The following ZNF638 variants were observed in gnomAD, a reference collection of about 807,000 sequenced individuals.
ZNF638 encodes the protein CTCL tumor antigen se33-1.
A neutral mutation model predicts 195.6 loss-of-function variants in ZNF638; 46 were observed. The observed-to-expected ratio is 0.24, with a 90% confidence interval of 0.19 to 0.30. ZNF638 has a LOEUF of 0.30. Ranked by LOEUF, ZNF638 falls within the 10% of genes least tolerant of loss-of-function variation. ZNF638 has a pLI of 1.00. For synonymous variants in ZNF638, 845 were observed against 772.0 expected, an observed-to-expected ratio of 1.09 and a Z score of -1.57; for missense variants, 2,440 against 2,325.3, an observed-to-expected ratio of 1.05 and a Z score of -1.01.
At chr2:71,394,884 G>A (rs552723591) in intron 10 of ZNF638, among the ~76,000 whole-genome samples, 1 of 152,240 alleles carries the variant, frequency 6.6e-6, no homozygotes, top group South Asian at 2.1e-4. Flanking sequence ...GCAAGCCCTC[G>A]AGGCTGCCTT....
intron 17 of ZNF638, among the ~76,000 whole-genome samples, chr2:71,404,899 G>GT (rs1315826922): frequency 2.0e-5 from 3 of 152,204 alleles, no homozygotes; most frequent in African/African-American, 7.2e-5. Flanking sequence ...GAAGCATGAG[G>GT]TAGAAATATT....
At position 71,368,659 on chromosome 2, in the gene ZNF638, G is replaced by A. The variant is rs553899761; in HGVS notation, c.2142+131G>A. ...TCTTTGAGAGTTATATAAATGTCTGGATGTGAATAAGCAAGGCCGCAAAAT... is the reference window on the plus strand; with the variant it reads ...TCTTTGAGAGTTATATAAATGTCTGAATGTGAATAAGCAAGGCCGCAAAAT... On this transcript the variant is annotated intron_variant, in intron 7 of 27. Coordinates refer to ENST00000264447, the MANE Select transcript of ZNF638 (RefSeq NM_014497.5). 1.9e-5 allele frequency: 19 copies of A among 1,011,454 alleles called. No individual in the cohort carries two copies. The South Asian group carries it at 2.4e-4, about 13-fold the overall frequency. The allele number at this position is 1,011,454 out of a possible 1,614,324, so 62.7% of individuals were successfully genotyped here.
At position 71,349,153 on chromosome 2, in the gene ZNF638, C is replaced by G; in HGVS notation, c.199C>G (p.Gln67Glu). ...GHESYQNMGPQRMNVQVTQHR... is the reference protein window; with the variant it reads ...GHESYQNMGPERMNVQVTQHR... The stretch of plus-strand genomic sequence containing the variant: ...TGAATCTTATCAGAACATGGGGCCA[C>G]AGAGAATGAATGTTCAGGTAACTCA... Residue 67 changes from glutamine to glutamate, a missense_variant, in exon 2 of 28, where the codon CAG (glutamine) becomes GAG (glutamate). This residue lies in a region of ZNF638 where 191 missense variants were observed against 173.8 expected (regional missense o/e 1.10). Coordinates refer to ENST00000264447, the MANE Select transcript of ZNF638 (RefSeq NM_014497.5). The G allele has an allele frequency of 6.2e-7, 1 of 1,614,132 alleles. No individual in the cohort carries two copies. Among genetic ancestry groups the G allele is most frequent in the Admixed American group, 1.7e-5 (1 of 60,022 alleles).
rs754187710 is a variant in ZNF638 at position 71,427,025 on chromosome 2, T to C, written c.5156T>C (p.Ile1719Thr). 3.7e-6 allele frequency: 6 copies of C among 1,613,310 alleles called. No homozygotes were observed. Among genetic ancestry groups the C allele is most frequent in the Non-Finnish European group, 4.2e-6 (5 of 1,179,796 alleles). Residue 1719 changes from isoleucine to threonine, a missense_variant, in exon 24 of 28, where the codon ATT becomes ACT. Transcript: ENST00000264447. ...GAAGGAGATACTGTAAGGGATTCCA[T>C]TGGCTTCATTTCTTCTCAGGTGCCC... ...GNEGDTVRDS[I>T]GFISSQVPED...
intron 20 of ZNF638, chr2:71,408,542 T>C: frequency 3.2e-6 from 1 of 316,390 alleles, no homozygotes; most frequent in South Asian, 3.4e-5. Context: ...GTCTCCAGAA[T>C]GCAGCTACTT....
At position 71,396,170 on chromosome 2, in the gene ZNF638, G is replaced by C. The variant is rs748156664; in HGVS notation, c.2407G>C (p.Ala803Pro). 1 of 1,613,012 alleles carries C rather than the reference G, an allele frequency of 6.2e-7. No individual in the cohort carries two copies. Among genetic ancestry groups the C allele is most frequent in the African/African-American group, 1.3e-5 (1 of 74,834 alleles). The change falls in exon 11 of 28, where the codon GCC (alanine) becomes CCC (proline). Residue 803 changes from alanine (A) to proline (P), a missense_variant. Ala to Pro is a conservative substitution (Grantham distance 27). Around this residue, in one of 5 missense-constraint regions of ZNF638, gnomAD observed 1,883 missense variants for 1,739.1 expected, o/e 1.08. Transcript: ENST00000264447. ...AKTGQAKASV[A>P]KVNKSTGKSA... ...AACTGGACAAGCCAAGGCATCTGTA[G>C]CCAAAGTAAACAAATCTACAGGTAT...
chr2:71,419,292 A>G (rs951188792), intron 21 of ZNF638, among the ~76,000 whole-genome samples: 1 of 152,092 alleles, frequency 6.6e-6, no homozygotes, highest in Admixed American at 6.5e-5. Flanking sequence ...ACTGCTCTTC[A>G]TTGTAAATCA....
intron 27 of ZNF638, among the ~76,000 whole-genome samples, chr2:71,434,007 G>A (rs2080717840): frequency 6.6e-6 from 1 of 152,196 alleles, no homozygotes; most frequent in Non-Finnish European, 1.5e-5. Context: ...CTAGGCCCAA[G>A]CTCTTATACA....
chr2:71,432,601 A>G (rs564452558), intron 26 of ZNF638, among the ~76,000 whole-genome samples: 1 of 152,378 alleles, frequency 6.6e-6, no homozygotes, highest in South Asian at 2.1e-4. Context: ...TTGGGAATCT[A>G]TTCAACTTGG....
At chr2:71,346,880 G>A (rs534498990) in intron 1 of ZNF638, among the ~76,000 whole-genome samples, 2 of 152,044 alleles carry the variant, frequency 1.3e-5, no homozygotes, top group South Asian at 4.2e-4. Flanking sequence ...AATTAGCCAG[G>A]TAGCATGGTG....
intron 3 of ZNF638, among the ~76,000 whole-genome samples, chr2:71,362,891 G>A (rs1164657282): frequency 1.3e-5 from 2 of 152,054 alleles, no homozygotes; most frequent in African/African-American, 2.4e-5. Flanking sequence ...ACCTAAGCTC[G>A]TATCTTGTAC....
At chr2:71,398,649 T>C in intron 11 of ZNF638, 52 bp from the exon 12 acceptor site, 1 of 1,350,272 alleles carries the variant, frequency 7.4e-7, no homozygotes. Context: ...TCTTTGGAGA[T>C]TGTTGATACT....
intron 3 of ZNF638, among the ~76,000 whole-genome samples, chr2:71,361,110 T>G (rs1441105136): frequency 6.6e-6 from 1 of 152,090 alleles, no homozygotes. Context: ...CACTGGTGAG[T>G]GCCACCACGC....
At chr2:71,373,075 T>C (rs910350553) in intron 8 of ZNF638, among the ~76,000 whole-genome samples, 4 of 152,230 alleles carry the variant, frequency 2.6e-5, no homozygotes, top group African/African-American at 7.2e-5. Flanking sequence ...ATGGATAATA[T>C]AAGATTGCTC....
At chr2:71,383,744 CTTTTTT>C (rs911748490) in intron 10 of ZNF638, among the ~76,000 whole-genome samples, 1 of 92,534 alleles carries the variant, frequency 1.1e-5, no homozygotes, top group African/African-American at 4.5e-5. Context: ...GCTAATTTTT[CTTTTTT>C]TTTTTCTTTT....
intron 10 of ZNF638, among the ~76,000 whole-genome samples, chr2:71,391,514 C>T (rs2079777013): frequency 6.6e-6 from 1 of 152,174 alleles, no homozygotes; most frequent in Admixed American, 6.5e-5. Flanking sequence ...ATTTTACTAG[C>T]AGACCCAACA....
intron 2 of ZNF638, among the ~76,000 whole-genome samples, chr2:71,352,909 T>TAGATAGATTGCCATTAA (rs2078966043): frequency 6.6e-6 from 1 of 152,178 alleles, no homozygotes; most frequent in Non-Finnish European, 1.5e-5. Flanking sequence ...AGAGCTCACC[T>TAGATAGATTGCCATTAA]AGATAGATTG....
chr2:71,336,418 C>T (rs1270461447), intron 1 of ZNF638, among the ~76,000 whole-genome samples: 1 of 142,696 alleles, frequency 7.0e-6, no homozygotes, highest in Non-Finnish European at 1.5e-5. Context: ...AACACAAGTG[C>T]TTGTTAAACA....
intron 21 of ZNF638, among the ~76,000 whole-genome samples, chr2:71,421,764 T>C (rs999783983): frequency 2.0e-5 from 3 of 152,238 alleles, no homozygotes; most frequent in Non-Finnish European, 4.4e-5. Context: ...TCCAATCTGC[T>C]GCTTCTCATT....
Sources: gnomAD v4.1 joint callset for allele counts (sites outside exome capture counted in the v4.1 genomes callset) on GRCh38, gnomAD v4.1.1 for gene constraint, gnomAD v4.1.1 regional missense constraint, MANE v1.5 for transcripts, NCBI Gene and HGNC (gene_info 2026-07-23, HGNC 2026-07-21) for gene names.